COL26A1: variants seen among roughly 807,000 people sequenced by gnomAD.
COL26A1 encodes collagen alpha-1(XXVI) chain.
COL26A1 carries 41 observed loss-of-function variants against 59.3 expected under a neutral mutation model. That is an observed-to-expected ratio of 0.69 (90% CI 0.54 to 0.90). The LOEUF (loss-of-function observed/expected upper bound fraction) is 0.90, where lower values mean the gene tolerates loss of function less well. Ranked by LOEUF, COL26A1 falls within the 40% of genes least tolerant of loss-of-function variation. COL26A1 has a pLI of 0.00. For synonymous variants in COL26A1, 266 were observed against 256.0 expected (o/e 1.04, Z -0.37); for missense variants, 612 against 602.3 (o/e 1.02, Z -0.17).
intron 3 of COL26A1, among the ~76,000 whole-genome samples, chr7:101,473,136 G>A (rs547824160): frequency 6.0e-5 from 9 of 151,230 alleles, no homozygotes; most frequent in Non-Finnish European, 1.3e-4. Flanking sequence ...CTGGAGTGCA[G>A]TGGCACAATC....
At chr7:101,439,045 T>A (rs1462311940) in intron 2 of COL26A1, among the ~76,000 whole-genome samples, 2 of 152,134 alleles carry the variant, frequency 1.3e-5, no homozygotes, top group Non-Finnish European at 2.9e-5. Context: ...CAGGGACCAG[T>A]GAGGGGCTCG....
chr7:101,421,806 A>G (rs1792528738), intron 2 of COL26A1, among the ~76,000 whole-genome samples: 1 of 152,122 alleles, frequency 6.6e-6, no homozygotes. Flanking sequence ...TTAAACCTAT[A>G]CGAACATCCT....
intron 9 of COL26A1, among the ~76,000 whole-genome samples, chr7:101,550,665 GGA>G (rs1470355589): frequency 6.6e-6 from 1 of 152,078 alleles, no homozygotes; most frequent in East Asian, 1.9e-4. Flanking sequence ...AGTTCCCTTT[GGA>G]GAGAGGGGGA....
At chr7:101,399,601 G>A (rs1417473786) in intron 1 of COL26A1, among the ~76,000 whole-genome samples, 1 of 152,104 alleles carries the variant, frequency 6.6e-6, no homozygotes. Context: ...TGGGATTACA[G>A]GTATAAGCTA....
chr7:101,488,691 G>A (rs549548149), intron 3 of COL26A1, among the ~76,000 whole-genome samples: 8 of 152,112 alleles, frequency 5.3e-5, no homozygotes, highest in Non-Finnish European at 1.0e-4. Flanking sequence ...CCAGTTTTAA[G>A]CGTTCAATTC....
At chr7:101,422,656 T>G (rs1344971186) in intron 2 of COL26A1, among the ~76,000 whole-genome samples, 1 of 152,094 alleles carries the variant, frequency 6.6e-6, no homozygotes, top group African/African-American at 2.4e-5. Context: ...CTTTCTTTTT[T>G]TTTGGAGACA....
chr7:101,387,630 G>GCTCTCTCTCTCTCTCTCTCTCTCT (rs374185692), intron 1 of COL26A1, among the ~76,000 whole-genome samples: 2 of 132,424 alleles, frequency 1.5e-5, no homozygotes, highest in Admixed American at 7.8e-5. Context: ...TCTCTCTCTC[G>GCTCTCTCTCTCTCTCTCTCTCTCT]CTCTCTCTCT....
At chr7:101,365,455 C>A (rs997188036) in intron 1 of COL26A1, among the ~76,000 whole-genome samples, 1 of 152,012 alleles carries the variant, frequency 6.6e-6, no homozygotes, top group Non-Finnish European at 1.5e-5. Context: ...GAGACAGAGT[C>A]TCGCTCTGTC....
intron 3 of COL26A1, among the ~76,000 whole-genome samples, chr7:101,518,916 CTG>C (rs1795085368): frequency 6.6e-6 from 1 of 152,198 alleles, no homozygotes; most frequent in Admixed American, 6.5e-5. Context: ...GGACCCCAAT[CTG>C]TCCCCAACGG....
intron 1 of COL26A1, among the ~76,000 whole-genome samples, chr7:101,404,307 A>G (rs1051032265): frequency 3.3e-5 from 5 of 152,172 alleles, no homozygotes; most frequent in African/African-American, 7.2e-5. Flanking sequence ...AGCCCAATTT[A>G]TCAGTAGGGT....
intron 3 of COL26A1, among the ~76,000 whole-genome samples, chr7:101,517,776 G>T (rs1331558970): frequency 6.8e-6 from 1 of 146,672 alleles, no homozygotes; most frequent in Non-Finnish European, 1.5e-5. Flanking sequence ...ACTGCAGTCA[G>T]AGAAGCTTCC....
At chr7:101,493,470 C>T (rs1794511763) in intron 3 of COL26A1, among the ~76,000 whole-genome samples, 1 of 152,110 alleles carries the variant, frequency 6.6e-6, no homozygotes, top group Non-Finnish European at 1.5e-5. Context: ...TAGGTGAGAA[C>T]AGCTGTCACC....
intron 1 of COL26A1, among the ~76,000 whole-genome samples, chr7:101,383,816 T>C (rs1010633046): frequency 6.6e-6 from 1 of 152,204 alleles, no homozygotes; most frequent in African/African-American, 2.4e-5. Flanking sequence ...ATTACAGGCA[T>C]GAGCCACAGC....
At chr7:101,425,941 C>T (rs1792637367) in intron 2 of COL26A1, among the ~76,000 whole-genome samples, 1 of 151,722 alleles carries the variant, frequency 6.6e-6, no homozygotes, top group African/African-American at 2.4e-5. Flanking sequence ...ATTGTCCTAC[C>T]CCAGACTTCT....
At chr7:101,507,647 G>A (rs1035851982) in intron 3 of COL26A1, among the ~76,000 whole-genome samples, 28 of 152,138 alleles carry the variant, frequency 1.8e-4, no homozygotes, top group Admixed American at 3.3e-4. Flanking sequence ...TCCAACTCCC[G>A]GGATTAAGTG....
intron 3 of COL26A1, among the ~76,000 whole-genome samples, chr7:101,509,772 G>A (rs1794883842): frequency 6.6e-6 from 1 of 152,038 alleles, no homozygotes; most frequent in Non-Finnish European, 1.5e-5. Flanking sequence ...CTGTCACCTA[G>A]GCTGGAGTGC....
chr7:101,518,425 T>C (rs1052591046), intron 3 of COL26A1, among the ~76,000 whole-genome samples: 1 of 152,154 alleles, frequency 6.6e-6, no homozygotes, highest in Non-Finnish European at 1.5e-5. Flanking sequence ...ACCTTGGGCT[T>C]GGAGCACCAT....
chr7:101,447,942 C>T (rs759895398), intron 3 of COL26A1, among the ~76,000 whole-genome samples, 155 bp downstream of exon 3: 1 of 152,248 alleles, frequency 6.6e-6, no homozygotes, highest in Non-Finnish European at 1.5e-5. Context: ...TGTTCTGTAT[C>T]GGCCTGGCCA....
chr7:101,465,060 C>T (rs1276411735), intron 3 of COL26A1, among the ~76,000 whole-genome samples: 1 of 137,808 alleles, frequency 7.3e-6, no homozygotes. Flanking sequence ...TTTGTTGGGA[C>T]AGAGTCTCAT....
Sources: allele counts gnomAD v4.1 joint callset (sites outside exome capture counted in the v4.1 genomes callset), GRCh38; gene constraint gnomAD v4.1.1; transcripts MANE v1.5; gene names NCBI Gene and HGNC (gene_info 2026-07-23, HGNC 2026-07-21).